RXYLT1: variants seen among roughly 807,000 people sequenced by gnomAD.
RXYLT1 encodes ribitol-5-phosphate xylosyltransferase 1.
In RXYLT1, 41 loss-of-function variants were observed where a neutral mutation model predicts 43.5. The ratio of observed to expected loss-of-function variants is 0.94; its 90% CI spans 0.73 to 1.22. The LOEUF is 1.22. Ranked by LOEUF, RXYLT1 falls within the 50% of genes most tolerant of loss-of-function variation. The probability of loss-of-function intolerance (pLI) is 0.00; values close to 1 mark genes in which losing one functional copy is unlikely to be tolerated. For synonymous variants in RXYLT1, 166 were observed against 194.4 expected (o/e 0.85, Z 1.21); for missense variants, 514 against 532.0 (o/e 0.97, Z 0.33).
chr12:63,808,825 C>T lies in RXYLT1; in HGVS notation c.1065C>T (p.Asp355=), dbSNP rs751828591. 2.3e-5 allele frequency: 37 copies of T among 1,613,966 alleles called. No homozygotes were observed. Among genetic ancestry groups the T allele is most frequent in the East Asian group, 1.1e-4 (5 of 44,894 alleles). The change falls in exon 6 of 6, where the codon GAC becomes GAT. Residue 355 remains aspartate, a synonymous_variant. Transcript: ENST00000261234. ...ATGGCTCCATTCCTGTGGTGGAAGA[C>T]GTGATGACAGCTGGCAACTGTGGGA... ...CSYGSIPVVE[D]VMTAGNCGNT...
intron 2 of RXYLT1, among the ~76,000 whole-genome samples, chr12:63,781,653 TA>T (rs1897686806): frequency 6.6e-6 from 1 of 152,224 alleles, no homozygotes; most frequent in Non-Finnish European, 1.5e-5. Context: ...GAATATATTA[TA>T]GTATGTAGTT....
intron 3 of RXYLT1, among the ~76,000 whole-genome samples, chr12:63,786,626 T>C (rs972987236): frequency 6.6e-6 from 1 of 152,208 alleles, no homozygotes; most frequent in Non-Finnish European, 1.5e-5. Context: ...TGCCTCGATG[T>C]TGATGTCTAA....
rs1275608720 is a variant in RXYLT1 at position 63,781,051 on chromosome 12, C to G, written c.202C>G (p.Pro68Ala). ...CACTTTGGAAAGTGAAGAATGGAAT[C>G]CTTGGGAAGGAGATGAAAAAAATGA... is the stretch of plus-strand genomic sequence containing the variant. ...QSTLESEEWN[P>A]WEGDEKNEQQ... Residue 68 changes from proline to alanine, a missense_variant, in exon 2 of 6, where the codon CCT (proline) becomes GCT (alanine). Transcript: ENST00000261234. 6.2e-7 allele frequency: 1 copy of G among 1,605,514 alleles called. No homozygotes were observed. Among genetic ancestry groups the G allele is most frequent in the Admixed American group, 1.7e-5 (1 of 58,444 alleles).
intron 3 of RXYLT1, among the ~76,000 whole-genome samples, chr12:63,801,648 C>A (rs1020887140): frequency 6.6e-6 from 1 of 151,906 alleles, no homozygotes; most frequent in Non-Finnish European, 1.5e-5. Flanking sequence ...GGTGAAACCC[C>A]ATCTCTACAA....
chr12:63,802,496 T>A lies in RXYLT1; in HGVS notation c.743+91T>A, dbSNP rs2136231894. ...TATTCAAAATTGTAATAAATTTAGT[T>A]CTTCTGGGATTATTGAGGCCAGGTA... On this transcript the variant is annotated intron_variant, in intron 4 of 5. Coordinates refer to ENST00000261234, the MANE Select transcript of RXYLT1 (RefSeq NM_014254.3). 3 of 1,290,548 alleles carry A rather than the reference T, an allele frequency of 2.3e-6. No homozygotes were observed. The South Asian group carries it at 4.9e-5, about 21-fold the overall frequency. 79.9% of individuals were successfully genotyped at this position (1,290,548 alleles called of 1,614,324 possible).
At chr12:63,793,974 A>G (rs1897973853) in intron 3 of RXYLT1, among the ~76,000 whole-genome samples, 1 of 152,242 alleles carries the variant, frequency 6.6e-6, no homozygotes, top group Admixed American at 6.5e-5. Context: ...TGAATCAGCC[A>G]TCGGCTGATG....
Position 63,785,035 on chromosome 12 carries a change from A to G in RXYLT1, c.391A>G (p.Arg131Gly), listed in dbSNP as rs1434004097. 3 of 1,613,878 alleles carry G rather than the reference A, an allele frequency of 1.9e-6. No individual in the cohort carries two copies. Among genetic ancestry groups the G allele is most frequent in the Non-Finnish European group, 2.5e-6 (3 of 1,179,786 alleles). ...TCCCAGCGATGTGACTGCTCAATGG[A>G]GAGAAGGAAAGTCAATCGTAGGAAG... ...LDPSDVTAQW[R>G]EGKSIVGRTQ... is the part of the protein sequence containing the mutation. The change falls in exon 3 of 6, where the codon AGA (arginine) becomes GGA (glycine). Residue 131 changes from arginine (R) to glycine (G), a missense_variant. By Grantham distance (125) the Arg-to-Gly change is moderately radical. Coordinates refer to ENST00000261234, the MANE Select transcript of RXYLT1 (RefSeq NM_014254.3).
At chr12:63,784,371 T>C (rs1305295496) in intron 2 of RXYLT1, among the ~76,000 whole-genome samples, 1 of 152,148 alleles carries the variant, frequency 6.6e-6, no homozygotes, top group Non-Finnish European at 1.5e-5. Context: ...ACTGCTCTCC[T>C]CTACTCTCAG....
rs114036100 is a variant in RXYLT1, at chr12:63,802,131, G to A, written c.469G>A (p.Val157Ile). ...GPAVIPGYFS[V>I]DVNNVVLILN... ...AGCTGTAATACCAGGGTACTTCTCC[G>A]TTGATGTGAATAATGTGGTACTCAT... The change falls in exon 4 of 6, where the codon GTT becomes ATT. Residue 157 changes from valine to isoleucine, a missense_variant. By Grantham distance (29) the Val-to-Ile change is conservative. Transcript: ENST00000261234. The A allele has an allele frequency of 2.0e-3, 3,170 of 1,612,092 alleles. 42 individuals carry two copies. In the African/African-American group the frequency reaches 0.036, roughly 18 times the overall value.
chr12:63,801,409 G>C (rs1898155963), intron 3 of RXYLT1, among the ~76,000 whole-genome samples: 1 of 152,114 alleles, frequency 6.6e-6, no homozygotes, highest in Admixed American at 6.5e-5. Flanking sequence ...GACTTTAAAT[G>C]CCTTTCTGGT....
intron 3 of RXYLT1, among the ~76,000 whole-genome samples, chr12:63,792,410 A>G (rs2136225908): frequency 6.6e-6 from 1 of 152,342 alleles, no homozygotes; most frequent in South Asian, 2.1e-4. Flanking sequence ...CATGTAGTCA[A>G]CATAAAGAAA....
intron 2 of RXYLT1, among the ~76,000 whole-genome samples, chr12:63,783,835 T>C (rs531143725): frequency 1.3e-5 from 2 of 152,356 alleles, no homozygotes; most frequent in East Asian, 1.9e-4. Context: ...GGCAGAACTC[T>C]AAAATGTGTG....
intron 3 of RXYLT1, among the ~76,000 whole-genome samples, chr12:63,796,265 G>A (rs1223331990): frequency 2.0e-5 from 3 of 152,124 alleles, no homozygotes; most frequent in Non-Finnish European, 4.4e-5. Context: ...TTTTGGTTCC[G>A]AATACCTCAG....
At chr12:63,780,602 C>G in intron 1 of RXYLT1, 1 of 819,020 alleles carries the variant, frequency 1.2e-6, no homozygotes, top group Non-Finnish European at 1.5e-6. Flanking sequence ...TTCTCTTTCC[C>G]TTTATTCAGA....
chr12:63,779,998 T>C lies in RXYLT1; in HGVS notation c.38T>C (p.Ile13Thr), dbSNP rs1323801649. 6.2e-7 allele frequency: 1 copy of C among 1,608,818 alleles called. No individual in the cohort carries two copies. Among genetic ancestry groups the C allele is most frequent in the Non-Finnish European group, 8.5e-7 (1 of 1,177,510 alleles). Residue 13 changes from isoleucine to threonine, a missense_variant, in exon 1 of 6, where the codon ATC (isoleucine) becomes ACC (threonine). Ile to Thr is a moderately conservative substitution (Grantham distance 89). Transcript: ENST00000261234. ...LTRKRLCSFL[I>T]ALYCLFSLYA... ...CGGAAGCGGCTCTGCTCGTTTCTTA[T>C]CGCCCTGTACTGCCTATTCTCCCTC...
chr12:63,797,586 G>C (rs896790994), intron 3 of RXYLT1, among the ~76,000 whole-genome samples: 4 of 152,200 alleles, frequency 2.6e-5, no homozygotes, highest in African/African-American at 9.6e-5. Flanking sequence ...TAAGGTAGCT[G>C]AGATGGGGAG....
intron 5 of RXYLT1, chr12:63,806,989 C>T (rs1488288659): frequency 6.6e-6 from 1 of 152,390 alleles, no homozygotes; most frequent in African/African-American, 2.4e-5. Context: ...TTCCACCTGA[C>T]CTCAGCCATT....
At position 63,781,125 on chromosome 12, in the gene RXYLT1, G is replaced by A; in HGVS notation, c.276G>A (p.Thr92=). Residue 92 remains threonine, a synonymous_variant, in exon 2 of 6, where the codon ACG becomes ACA. Transcript: ENST00000261234. ...KTSLQILDKS[T]KGKTDLSVQI... is the part of the protein sequence containing the mutation. ...GCCTTCAAATATTAGATAAATCCAC[G>A]AAAGGAAAAACAGATCTCAGTGTAC... 1 of 1,607,364 alleles carries A rather than the reference G, an allele frequency of 6.2e-7. No individual in the cohort carries two copies. The highest frequency in any genetic ancestry group is 8.5e-7 in the Non-Finnish European group (1 of 1,177,446).
At position 63,780,012 on chromosome 12, in the gene RXYLT1, C is replaced by G; in HGVS notation, c.52C>G (p.Leu18Val). The G allele has an allele frequency of 6.2e-7, 1 of 1,610,562 alleles. No homozygotes were observed. Among genetic ancestry groups the G allele is most frequent in the Non-Finnish European group, 8.5e-7 (1 of 1,178,640 alleles). ...CTCGTTTCTTATCGCCCTGTACTGC[C>G]TATTCTCCCTCTACGCTGCCTACCA... ...LCSFLIALYC[L>V]FSLYAAYHVF... is the part of the protein sequence containing the mutation. The change falls in exon 1 of 6, where the codon CTA becomes GTA. Residue 18 changes from leucine to valine, a missense_variant. Physicochemically the swap from Leu to Val is conservative, Grantham distance 32. Transcript: ENST00000261234.
Sources: allele counts gnomAD v4.1 joint callset (sites outside exome capture counted in the v4.1 genomes callset), GRCh38; gene constraint gnomAD v4.1.1; transcripts MANE v1.5; gene names NCBI Gene and HGNC (gene_info 2026-07-23, HGNC 2026-07-21).